Variants in TEX14 observed in about 807,000 individuals in gnomAD.
The protein encoded by TEX14 is testis expressed 14, intercellular bridge forming factor, also known as inactive serine/threonine-protein kinase TEX14.
TEX14 carries 168 observed loss-of-function variants against 178.6 expected under a neutral mutation model. That is an observed-to-expected ratio of 0.94 (90% CI 0.83 to 1.07). TEX14 has a LOEUF of 1.07. Among genes scored for constraint, TEX14 ranks in the 50% least tolerant of loss-of-function variants. The pLI, the probability that TEX14 is intolerant of heterozygous loss-of-function variation, is 0.00. For missense variants in TEX14, 1,730 were observed against 1,753.6 expected, an observed-to-expected ratio of 0.99 and a Z score of 0.24; for synonymous variants, 626 against 634.1, an observed-to-expected ratio of 0.99 and a Z score of 0.19.
At chr17:58,565,030 T>C in intron 27 of TEX14, 62 bp from the exon 28 acceptor site, 1 of 1,079,358 alleles carries the variant, frequency 9.3e-7, no homozygotes, top group Non-Finnish European at 1.4e-6. Flanking sequence ...AAGCTTGCCT[T>C]AAAATAGAGT....
rs2045478838 is a variant in TEX14 at position 58,602,502 on chromosome 17, C to CG, written c.1424dup (p.Lys476GlufsTer5). 6.2e-7 allele frequency: 1 copy of CG among 1,613,800 alleles called. No homozygotes were observed. The highest frequency in any genetic ancestry group is 1.7e-5 in the Admixed American group (1 of 59,938). The stretch of plus-strand genomic sequence containing the variant: ...ACTTAACAATATCATAGTAAGGTTT[C>CG]GGAAGCCTGACATCAGCTTCTAAAT... On this transcript the variant is annotated frameshift_variant, in exon 12 of 32. Coordinates refer to ENST00000349033, the MANE Select transcript of TEX14 (RefSeq NM_031272.5). LOFTEE classifies it high-confidence loss of function.
At chr17:58,631,732 T>A (rs867162139) in intron 2 of TEX14, 2 of 145,322 alleles carry the variant, frequency 1.4e-5, no homozygotes, top group Admixed American at 6.9e-5. Context: ...ATCCCACTCG[T>A]GAGAGAACAC....
intron 1 of TEX14, among the ~76,000 whole-genome samples, chr17:58,688,961 C>T (rs1419181087): frequency 6.6e-6 from 1 of 152,018 alleles, no homozygotes; most frequent in Non-Finnish European, 1.5e-5. Context: ...GATGGAGTCT[C>T]GCTCTGTCAC....
intron 3 of TEX14, among the ~76,000 whole-genome samples, chr17:58,628,723 AAGACTACAAAAATT>A: frequency 6.6e-6 from 1 of 151,648 alleles, no homozygotes. Context: ...AAAAAAAAAA[AAGACTACAAAAATT>A]AGCTGGGTGT....
intron 2 of TEX14, among the ~76,000 whole-genome samples, chr17:58,641,732 C>G (rs1032417460): frequency 6.6e-6 from 1 of 152,076 alleles, no homozygotes; most frequent in Non-Finnish European, 1.5e-5. Flanking sequence ...GTCTCTATCT[C>G]CTGACCTTGT....
chr17:58,615,572 T>C (rs1333328954), intron 7 of TEX14, among the ~76,000 whole-genome samples: 1 of 151,082 alleles, frequency 6.6e-6, no homozygotes, highest in African/African-American at 2.4e-5. Context: ...AGGGAGAGAG[T>C]GACTTGATCA....
At chr17:58,622,545 T>C (rs1199130477) in intron 4 of TEX14, among the ~76,000 whole-genome samples, 1 of 152,052 alleles carries the variant, frequency 6.6e-6, no homozygotes, top group African/African-American at 2.4e-5. Flanking sequence ...ACCTGAGAGG[T>C]TGTTGTGAAG....
intron 2 of TEX14, among the ~76,000 whole-genome samples, chr17:58,634,065 A>C (rs2144590735): frequency 6.6e-6 from 1 of 152,278 alleles, no homozygotes; most frequent in Non-Finnish European, 1.5e-5. Flanking sequence ...AAGGAAGGTT[A>C]AAAGTTTCAA....
chr17:58,677,645 C>T (rs1310967276), intron 1 of TEX14: 3 of 152,228 alleles, frequency 2.0e-5, no homozygotes, highest in Non-Finnish European at 4.4e-5. Flanking sequence ...TTGGGGAAAT[C>T]ACAGGGGCCA....
chr17:58,577,328 A>G, intron 21 of TEX14, 47 bp downstream of exon 21: 1 of 753,140 alleles, frequency 1.3e-6, no homozygotes, highest in Non-Finnish European at 2.1e-6. Flanking sequence ...ACCATTTAAC[A>G]TTGCATCTAT....
chr17:58,584,403 A>G (rs890084974), intron 19 of TEX14, 97 bp downstream of exon 19: 4 of 831,534 alleles, frequency 4.8e-6, no homozygotes, highest in African/African-American at 3.3e-5. Context: ...AAGAACTACT[A>G]TAGCTATTAT....
At chr17:58,631,957 T>A (rs921494356) in intron 2 of TEX14, 1 of 152,240 alleles carries the variant, frequency 6.6e-6, no homozygotes, top group African/African-American at 2.4e-5. Context: ...CCAAAAACGA[T>A]CTTTCCACTA....
intron 19 of TEX14, among the ~76,000 whole-genome samples, chr17:58,580,138 A>T (rs2044775783): frequency 6.6e-6 from 1 of 152,174 alleles, no homozygotes; most frequent in South Asian, 2.1e-4. Flanking sequence ...CAGTGACTGG[A>T]TGGGATCACA....
intron 1 of TEX14, among the ~76,000 whole-genome samples, chr17:58,669,289 T>C (rs1567769044): frequency 6.6e-6 from 1 of 150,756 alleles, no homozygotes. Context: ...GAGGCAGAGG[T>C]TGCAGTGAGC....
chr17:58,615,378 G>A, intron 7 of TEX14, 33 bp from the exon 8 acceptor site: 2 of 1,333,170 alleles, frequency 1.5e-6, no homozygotes, highest in Non-Finnish European at 2.2e-6. Context: ...CAGCAGAAAG[G>A]AGTGAGCAGC....
Position 58,593,533 on chromosome 17 carries a change from GAAC to G in TEX14, c.2576+19_2576+21del. 6.3e-7 allele frequency: 1 copy of G among 1,580,992 alleles called. No homozygotes were observed. The highest frequency in any genetic ancestry group is 1.1e-5 in the South Asian group (1 of 90,388). On this transcript the variant is annotated intron_variant, in intron 15 of 31. Coordinates refer to ENST00000349033, the MANE Select transcript of TEX14 (RefSeq NM_031272.5). ...AAGTCTAAAGGCATAGTGACATTAA[GAAC>G]AACAAAATGTTGACCCACCTACTGG...
chr17:58,675,894 T>C (rs1216027798), intron 1 of TEX14, among the ~76,000 whole-genome samples: 1 of 152,206 alleles, frequency 6.6e-6, no homozygotes, highest in Non-Finnish European at 1.5e-5. Context: ...TCTGGACTTT[T>C]TGCATTTTTA....
At position 58,684,180 on chromosome 17, in the gene TEX14, C is replaced by T. The variant is rs144210942; in HGVS notation, c.-2+7759G>A. On this transcript the variant is annotated intron_variant, in intron 1 of 31. Coordinates refer to ENST00000349033, the MANE Select transcript of TEX14 (RefSeq NM_031272.5). ...GGAAAGAAAAAAAAATGCTTCCGCC[C>T]GGCATGGTGACTCACGTGAGCCTAT... 5.0e-3 allele frequency among the ~76,000 whole-genome samples: 747 copies of T among 150,712 alleles called. 4 individuals are homozygous for T. The highest frequency in any genetic ancestry group is 6.5e-3 in the African/African-American group (267 of 41,076).
chr17:58,648,445 C>T (rs963369237), intron 2 of TEX14, among the ~76,000 whole-genome samples: 2 of 152,146 alleles, frequency 1.3e-5, no homozygotes, highest in African/African-American at 4.8e-5. Context: ...CTAATTACTG[C>T]TAGCCTCCTA....
Sources: gnomAD v4.1 joint callset for allele counts (sites outside exome capture counted in the v4.1 genomes callset) on GRCh38, gnomAD v4.1.1 for gene constraint, MANE v1.5 for transcripts, NCBI Gene and HGNC (gene_info 2026-07-23, HGNC 2026-07-21) for gene names.